The following ENOX1 variants were observed in gnomAD, a reference collection of about 807,000 sequenced individuals.
ENOX1 encodes the protein candidate growth-related and time keeping constitutive hydroquinone (NADH) oxidase.
Under a neutral mutation model 82.5 loss-of-function variants are expected in ENOX1, and 42 were observed. The observed-to-expected ratio is 0.51, with a 90% confidence interval of 0.40 to 0.66. The LOEUF (loss-of-function observed/expected upper bound fraction) is 0.66, where lower values mean the gene tolerates loss of function less well. Ranked by LOEUF, ENOX1 falls within the 30% of genes least tolerant of loss-of-function variation. ENOX1 has a pLI of 0.00. For synonymous variants in ENOX1, 271 were observed against 282.2 expected, an observed-to-expected ratio of 0.96 and a Z score of 0.40; for missense variants, 608 against 811.6, an observed-to-expected ratio of 0.75 and a Z score of 3.05.
At chr13:43,627,973 G>A (rs903473722) in intron 2 of ENOX1, among the ~76,000 whole-genome samples, 7 of 151,960 alleles carry the variant, frequency 4.6e-5, no homozygotes, top group Admixed American at 6.6e-5. Flanking sequence ...GGAGAAACAC[G>A]CTGTCCTTCT....
At chr13:43,396,175 G>A (rs2053137225) in intron 5 of ENOX1, among the ~76,000 whole-genome samples, 2 of 152,226 alleles carry the variant, frequency 1.3e-5, no homozygotes, top group Non-Finnish European at 1.5e-5. Flanking sequence ...CCACTGCTAC[G>A]TCAAAAGCCC....
intron 2 of ENOX1, among the ~76,000 whole-genome samples, chr13:43,490,551 C>T (rs1211760009): frequency 6.6e-6 from 1 of 152,082 alleles, no homozygotes; most frequent in Non-Finnish European, 1.5e-5. Flanking sequence ...AGAAATTGGG[C>T]TTTTAAGAGG....
intron 2 of ENOX1, among the ~76,000 whole-genome samples, chr13:43,508,420 A>AT (rs2153672989): frequency 6.6e-6 from 1 of 152,078 alleles, no homozygotes. Flanking sequence ...GAAGAAACAA[A>AT]TTTCTGTTCT....
chr13:43,344,718 G>A lies in ENOX1; in HGVS notation c.856C>T (p.Leu286=). The A allele has an allele frequency of 6.2e-7, 1 of 1,614,172 alleles. No homozygotes were observed. Among genetic ancestry groups the A allele is most frequent in the Non-Finnish European group, 8.5e-7 (1 of 1,180,024 alleles). The change falls in exon 9 of 17, where the codon CTG becomes TTG. Residue 286 remains leucine, a synonymous_variant. Transcript: ENST00000690772. The part of the protein sequence containing the change: ...DSKFSEAITV[L]LSWIERGEVN... ...TCCCCTCGTTCAATCCAGGAAAGCA[G>A]CACTGTGATAGCCTCTGAAAACTTG...
intron 5 of ENOX1, among the ~76,000 whole-genome samples, chr13:43,371,216 G>A (rs190472309): frequency 6.6e-6 from 1 of 152,310 alleles, no homozygotes; most frequent in East Asian, 1.9e-4. Flanking sequence ...TGGTGCGGGA[G>A]CAGACAGTAG....
chr13:43,338,122 A>G (rs1356684583), intron 9 of ENOX1, among the ~76,000 whole-genome samples: 1 of 152,120 alleles, frequency 6.6e-6, no homozygotes, highest in Non-Finnish European at 1.5e-5. Flanking sequence ...TTAAATTTTT[A>G]TTAGATATGT....
At chr13:43,313,317 G>A (rs559000600) in intron 11 of ENOX1, among the ~76,000 whole-genome samples, 23 of 152,136 alleles carry the variant, frequency 1.5e-4, no homozygotes, top group South Asian at 6.2e-4. Context: ...AAGATTATGT[G>A]GTCTGGGAAG....
intron 15 of ENOX1, among the ~76,000 whole-genome samples, chr13:43,234,522 C>G (rs528043672): frequency 1.3e-5 from 2 of 152,284 alleles, no homozygotes; most frequent in East Asian, 3.9e-4. Context: ...CTCTTTTGCT[C>G]TACTCCTAAC....
chr13:43,272,977 C>T (rs987235188), intron 12 of ENOX1, among the ~76,000 whole-genome samples: 19 of 152,160 alleles, frequency 1.2e-4, no homozygotes, highest in African/African-American at 3.9e-4. Context: ...CTTTTCTTCT[C>T]ACTACACGCT....
At chr13:43,493,155 C>G (rs571980975) in intron 2 of ENOX1, among the ~76,000 whole-genome samples, 1 of 152,156 alleles carries the variant, frequency 6.6e-6, no homozygotes, top group South Asian at 2.1e-4. Flanking sequence ...TCTCTCCCCC[C>G]TCCCACTCCC....
At chr13:43,650,237 C>G (rs1205679993) in intron 2 of ENOX1, among the ~76,000 whole-genome samples, 1 of 152,172 alleles carries the variant, frequency 6.6e-6, no homozygotes, top group South Asian at 2.1e-4. Flanking sequence ...GCAAATTTTA[C>G]CAATAAAGGG....
chr13:43,527,472 T>C (rs1349554740), intron 2 of ENOX1, among the ~76,000 whole-genome samples: 1 of 152,116 alleles, frequency 6.6e-6, no homozygotes, highest in African/African-American at 2.4e-5. Context: ...TAGAATATGC[T>C]ACTTAGGGAA....
chr13:43,757,854 T>C (rs929808228), intron 1 of ENOX1, among the ~76,000 whole-genome samples: 2 of 152,102 alleles, frequency 1.3e-5, no homozygotes, highest in African/African-American at 4.8e-5. Flanking sequence ...TAAAAACCTA[T>C]GTTCAAACAA....
intron 3 of ENOX1, among the ~76,000 whole-genome samples, chr13:43,478,875 T>C (rs2058396599): frequency 6.6e-6 from 1 of 152,186 alleles, no homozygotes; most frequent in African/African-American, 2.4e-5. Flanking sequence ...GAATGATAAT[T>C]TGGTTTTTCA....
chr13:43,577,580 A>T (rs2080500369), intron 2 of ENOX1, among the ~76,000 whole-genome samples: 1 of 152,230 alleles, frequency 6.6e-6, no homozygotes, highest in Non-Finnish European at 1.5e-5. Context: ...GAAAGAAAAG[A>T]GGAATTCCCT....
intron 2 of ENOX1, among the ~76,000 whole-genome samples, chr13:43,514,480 A>T (rs2077485538): frequency 6.6e-6 from 1 of 152,110 alleles, no homozygotes; most frequent in Non-Finnish European, 1.5e-5. Context: ...GTAGCCAAAC[A>T]CATCAGTTGA....
chr13:43,714,673 CTTCT>C (rs1178286272), intron 1 of ENOX1, among the ~76,000 whole-genome samples: 1 of 152,062 alleles, frequency 6.6e-6, no homozygotes, highest in Non-Finnish European at 1.5e-5. Flanking sequence ...ATGTAATGGC[CTTCT>C]TTGTCTCTTT....
intron 2 of ENOX1, among the ~76,000 whole-genome samples, chr13:43,504,264 G>A (rs1023749457): frequency 8.6e-5 from 13 of 151,702 alleles, no homozygotes; most frequent in African/African-American, 3.1e-4. Flanking sequence ...AAACTGTATG[G>A]GGATTCCTTA....
intron 2 of ENOX1, among the ~76,000 whole-genome samples, chr13:43,633,501 T>C (rs1472012929): frequency 1.3e-5 from 2 of 152,106 alleles, no homozygotes; most frequent in East Asian, 1.9e-4. Flanking sequence ...AGTCCACGTG[T>C]AGGGGAATGA....
Sources: allele counts gnomAD v4.1 joint callset (sites outside exome capture counted in the v4.1 genomes callset), GRCh38; gene constraint gnomAD v4.1.1; transcripts MANE v1.5; gene names NCBI Gene and HGNC (gene_info 2026-07-23, HGNC 2026-07-21).